The following PRKG1 variants were observed in gnomAD, a reference collection of about 807,000 sequenced individuals.
The protein encoded by PRKG1 is protein kinase cGMP-dependent 1.
Under a neutral mutation model 88.1 loss-of-function variants are expected in PRKG1, and 35 were observed. The ratio of observed to expected loss-of-function variants is 0.40; its 90% CI spans 0.30 to 0.53. The LOEUF is 0.53. PRKG1 is among the 20% of genes least tolerant of loss of function. The pLI is 0.59. For synonymous variants in PRKG1, 303 were observed against 292.5 expected (o/e 1.04, Z -0.37); for missense variants, 540 against 839.8 (o/e 0.64, Z 4.41).
intron 3 of PRKG1, among the ~76,000 whole-genome samples, chr10:51,562,758 G>A (rs568130184): frequency 6.6e-6 from 1 of 151,850 alleles, no homozygotes; most frequent in Non-Finnish European, 1.5e-5. Context: ...TTAAATGTAA[G>A]CATCATACTT....
intron 6 of PRKG1, among the ~76,000 whole-genome samples, chr10:52,058,507 A>C (rs923768036): frequency 5.3e-5 from 8 of 152,066 alleles, no homozygotes; most frequent in African/African-American, 1.9e-4. Context: ...ACATGCCTAC[A>C]GTTAACGTAC....
At chr10:51,879,621 T>A (rs1841386963) in intron 4 of PRKG1, among the ~76,000 whole-genome samples, 1 of 152,222 alleles carries the variant, frequency 6.6e-6, no homozygotes, top group African/African-American at 2.4e-5. Context: ...GTTAGAGCTA[T>A]GTGTCCATGA....
At chr10:51,675,032 G>A (rs183104811) in intron 3 of PRKG1, among the ~76,000 whole-genome samples, 213 of 152,220 alleles carry the variant, frequency 1.4e-3, no homozygotes, top group African/African-American at 4.1e-3. Flanking sequence ...TCTAAAGATG[G>A]AACTACTAAT....
intron 3 of PRKG1, among the ~76,000 whole-genome samples, chr10:51,498,642 G>T (rs1269365568): frequency 6.6e-6 from 1 of 152,144 alleles, no homozygotes; most frequent in African/African-American, 2.4e-5. Context: ...TAGATAAGTG[G>T]TGTCTATAAT....
intron 9 of PRKG1, among the ~76,000 whole-genome samples, chr10:52,198,727 G>T (rs1356363148): frequency 2.0e-5 from 3 of 151,984 alleles, no homozygotes; most frequent in Non-Finnish European, 4.4e-5. Context: ...CTCCTCTTCA[G>T]ATTCTGGTGG....
chr10:51,291,962 C>T (rs1840594351), intron 2 of PRKG1, among the ~76,000 whole-genome samples: 1 of 152,126 alleles, frequency 6.6e-6, no homozygotes, highest in Non-Finnish European at 1.5e-5. Flanking sequence ...AAACCTAAAA[C>T]ACTTTGATAA....
At chr10:51,405,334 T>G (rs891235225) in intron 2 of PRKG1, among the ~76,000 whole-genome samples, 1 of 152,282 alleles carries the variant, frequency 6.6e-6, no homozygotes. Context: ...ACATGAGGCC[T>G]TTTCTTCCTT....
intron 3 of PRKG1, among the ~76,000 whole-genome samples, chr10:51,549,271 C>T (rs902268632): frequency 3.3e-5 from 5 of 151,290 alleles, no homozygotes; most frequent in Admixed American, 2.0e-4. Context: ...ATTACAGGTG[C>T]GTGCCACCAC....
chr10:52,144,379 T>C (rs182978061), intron 8 of PRKG1, among the ~76,000 whole-genome samples: 26 of 152,258 alleles, frequency 1.7e-4, no homozygotes, highest in Admixed American at 9.8e-4. Flanking sequence ...CAGAGAACCA[T>C]TGGAACTGTA....
rs5784871 is a variant in PRKG1, at chr10:51,501,790, C to CTTT, written c.592+33971_592+33973dup. On this transcript the variant is annotated intron_variant, in intron 3 of 17. Coordinates refer to ENST00000373980, the MANE Select transcript of PRKG1 (RefSeq NM_006258.4). The stretch of plus-strand genomic sequence containing the variant: ...AAGCAAATTCACCCAACTTTAGTTT[C>CTTT]TTTTTTTTTTTTTTTTTTTGTCAGT... Among the ~76,000 whole-genome samples, 15 of 113,762 alleles carry CTTT rather than the reference C, an allele frequency of 1.3e-4. 1 individual carries two copies. Among genetic ancestry groups the CTTT allele is most frequent in the East Asian group, 2.7e-4 (1 of 3,652 alleles). 74.6% of individuals were successfully genotyped at this position (113,762 alleles called of 152,430 possible).
chr10:51,108,396 A>T (rs1182171693), intron 1 of PRKG1, among the ~76,000 whole-genome samples: 2 of 152,176 alleles, frequency 1.3e-5, no homozygotes, highest in Admixed American at 1.3e-4. Context: ...AAAAAAGATA[A>T]TTCTTCATTA....
intron 7 of PRKG1, among the ~76,000 whole-genome samples, chr10:52,081,214 T>TA (rs1381402724): frequency 1.3e-5 from 2 of 152,186 alleles, no homozygotes; most frequent in Non-Finnish European, 2.9e-5. Flanking sequence ...TGTGGTACAA[T>TA]AAAAAATACT....
chr10:52,214,126 G>A (rs1027933559), intron 9 of PRKG1, among the ~76,000 whole-genome samples: 15 of 152,100 alleles, frequency 9.9e-5, no homozygotes, highest in Admixed American at 7.2e-4. Context: ...ACACTGAGAT[G>A]AATATACACC....
intron 3 of PRKG1, among the ~76,000 whole-genome samples, chr10:51,759,706 T>C (rs1411382608): frequency 6.6e-6 from 1 of 152,154 alleles, no homozygotes; most frequent in Non-Finnish European, 1.5e-5. Flanking sequence ...CACCACAGTA[T>C]GTAAAGAAGT....
At chr10:51,533,308 A>T (rs375905466) in intron 3 of PRKG1, among the ~76,000 whole-genome samples, 3 of 152,228 alleles carry the variant, frequency 2.0e-5, no homozygotes, top group Non-Finnish European at 4.4e-5. Context: ...TACATCTGTT[A>T]TAGCCACAGA....
intron 3 of PRKG1, among the ~76,000 whole-genome samples, chr10:51,764,395 GAGA>G (rs1358129447): frequency 2.6e-5 from 4 of 152,144 alleles, no homozygotes; most frequent in Non-Finnish European, 5.9e-5. Flanking sequence ...ATGTTTTGGG[GAGA>G]AGAATAGACC....
At position 51,304,863 on chromosome 10, in the gene PRKG1, A is replaced by G. The variant is rs113811764; in HGVS notation, c.478+151533A>G. ...ATTCCATGGTGTATATGTGCCACAT[A>G]TCTTACAGATGAAGAAATGGGGGAC... On this transcript the variant is annotated intron_variant, in intron 2 of 17. Coordinates refer to ENST00000373980, the MANE Select transcript of PRKG1 (RefSeq NM_006258.4). Among the ~76,000 whole-genome samples, 410 of 152,090 alleles carry G rather than the reference A, an allele frequency of 2.7e-3. 1 individual carries two copies. Among genetic ancestry groups the G allele is most frequent in the African/African-American group, 9.5e-3 (394 of 41,494 alleles).
chr10:51,474,064 A>G (rs1395138021), intron 3 of PRKG1, among the ~76,000 whole-genome samples: 2 of 151,970 alleles, frequency 1.3e-5, no homozygotes, highest in Non-Finnish European at 2.9e-5. Flanking sequence ...TTTCCACAGT[A>G]ACAATAAGTA....
intron 2 of PRKG1, among the ~76,000 whole-genome samples, chr10:51,360,560 C>A (rs1389598411): frequency 6.6e-6 from 1 of 151,796 alleles, no homozygotes; most frequent in Non-Finnish European, 1.5e-5. Context: ...TGATAGCTGC[C>A]TTATCAATAT....
Sources: allele counts gnomAD v4.1 joint callset (sites outside exome capture counted in the v4.1 genomes callset), GRCh38; gene constraint gnomAD v4.1.1; transcripts MANE v1.5; gene names NCBI Gene and HGNC (gene_info 2026-07-23, HGNC 2026-07-21).